The following SMIM19 variants were observed in gnomAD, a reference collection of about 807,000 sequenced individuals.
The protein encoded by SMIM19 is UPF0697 protein C8orf40.
Under a neutral mutation model 13.2 loss-of-function variants are expected in SMIM19, and 6 were observed. The ratio of observed to expected loss-of-function variants is 0.45; its 90% confidence interval spans 0.25 to 0.90. The LOEUF (loss-of-function observed/expected upper bound fraction) is 0.90. SMIM19 is among the 40% of genes least tolerant of loss of function. SMIM19 has a pLI of 0.19. For missense variants in SMIM19, 138 were observed against 131.0 expected, an observed-to-expected ratio of 1.05 and a Z score of -0.26; for synonymous variants, 46 against 43.1, an observed-to-expected ratio of 1.07 and a Z score of -0.27.
chr8:42,548,698 A>G lies in SMIM19; in HGVS notation c.177A>G (p.Thr59=), dbSNP rs779994400. ...RIMRIFSVPP[T]EETLSEPNFY... is the part of the protein sequence containing the mutation. ...TGAGGATATTCAGTGTGCCACCTACAGAGGAAACTTTGTCAGAGCCCAACT... is the reference window on the plus strand; with the variant it reads ...TGAGGATATTCAGTGTGCCACCTACGGAGGAAACTTTGTCAGAGCCCAACT... The change falls in exon 3 of 4, where the codon ACA becomes ACG. Residue 59 remains threonine, a synonymous_variant. Coordinates refer to ENST00000417410, the MANE Select transcript of SMIM19 (RefSeq NM_001135674.2). 3.7e-6 allele frequency: 6 copies of G among 1,613,944 alleles called. No individual in the cohort carries two copies. The Admixed American group carries it at 1.0e-4, about 27-fold the overall frequency.
rs188599034 is a variant in SMIM19, at chr8:42,542,678, C to A, written c.-5+305C>A. 1.3e-5 allele frequency among the ~76,000 whole-genome samples: 2 copies of A among 151,964 alleles called. 1 individual carries two copies. The highest frequency in any genetic ancestry group is 2.9e-5 in the Non-Finnish European group (2 of 67,986). ...CCTAGTCCCTAGAAAAAGTAGTTCT[C>A]GGCTGGGCACGGTGGCTCACGCCTG... On this transcript the variant is annotated intron_variant, in intron 1 of 3. Transcript: ENST00000417410.
In SMIM19 at chr8:42,548,704, A is replaced by C. The variant is rs775952717; in HGVS notation, c.183A>C (p.Glu61Asp). The C allele has an allele frequency of 1.4e-5, 23 of 1,613,952 alleles. No homozygotes were observed. The highest frequency in any genetic ancestry group is 1.9e-5 in the Non-Finnish European group (22 of 1,179,938). The change falls in exon 3 of 4, where the codon GAA becomes GAC. Residue 61 changes from glutamate (E) to aspartate (D), a missense_variant. By Grantham distance (45) the Glu-to-Asp change is conservative. Coordinates refer to ENST00000417410, the MANE Select transcript of SMIM19 (RefSeq NM_001135674.2). Reference protein sequence around the residue: ...MRIFSVPPTEETLSEPNFYDT... With the variant: ...MRIFSVPPTEDTLSEPNFYDT... ...TATTCAGTGTGCCACCTACAGAGGA[A>C]ACTTTGTCAGAGCCCAACTTTTATG...
At position 42,548,593 on chromosome 8, in the gene SMIM19, G is replaced by A; in HGVS notation, c.135-63G>A. The A allele has an allele frequency of 2.5e-6, 4 of 1,593,694 alleles. No individual in the cohort carries two copies. In the South Asian group the frequency reaches 4.4e-5, roughly 18 times the overall value. ...CACAGCTTCTGATGACCAGGATCAT[G>A]AGCATATTACAACTCTATAGACATT... On this transcript the variant is annotated intron_variant, in intron 2 of 3. Transcript: ENST00000417410.
chr8:42,550,012 C>T (rs2974350), intron 3 of SMIM19, among the ~76,000 whole-genome samples: 82,558 of 151,722 alleles, frequency 0.54, 22,828 homozygotes, highest in Middle Eastern at 0.64. Flanking sequence ...AAGAGAATTG[C>T]TTGAACCCAG....
chr8:42,546,300 A>G, intron 1 of SMIM19, 169 bp from the exon 2 acceptor site: 2 of 687,048 alleles, frequency 2.9e-6, no homozygotes, highest in African/African-American at 1.8e-5. Context: ...CAACTGCACC[A>G]TTTAAAATGT....
Position 42,546,597 on chromosome 8 carries a change from A to G in SMIM19, c.125A>G (p.Tyr42Cys), listed in dbSNP as rs745588341. Residue 42 changes from tyrosine to cysteine, a missense_variant, in exon 2 of 4, where the codon TAT becomes TGT. Transcript: ENST00000417410. The part of the protein sequence containing the change: ...VILVSFGLFM[Y>C]AKRNKRRIMR... Reference sequence around the variant, plus strand: ...CTTGTTAGCTTCGGTCTCTTCATGTATGCCAAAAGGTAAATTTTTGTTTCT... The same window carrying G: ...CTTGTTAGCTTCGGTCTCTTCATGTGTGCCAAAAGGTAAATTTTTGTTTCT... 1.2e-6 allele frequency: 2 copies of G among 1,608,840 alleles called. No individual in the cohort carries two copies. Among genetic ancestry groups the G allele is most frequent in the East Asian group, 2.2e-5 (1 of 44,880 alleles).
intron 3 of SMIM19, among the ~76,000 whole-genome samples, chr8:42,550,126 G>T (rs191006791): frequency 3.5e-4 from 53 of 152,142 alleles, no homozygotes; most frequent in Admixed American, 8.5e-4. Context: ...ACAGAGCCAG[G>T]AGCTCTGTAT....
At chr8:42,542,566 C>A in intron 1 of SMIM19, 193 bp downstream of exon 1, 1 of 751,976 alleles carries the variant, frequency 1.3e-6, no homozygotes, top group Non-Finnish European at 1.6e-6. Flanking sequence ...GGCACGATGA[C>A]AAGCGGTGGT....
rs892693722 is a variant in SMIM19, at chr8:42,542,441, A to G, written c.-5+68A>G. ...CAGAGGGATGAGAGAAAGAAATCCC[A>G]TTTTTTGATGCAGAGGATTTTGTTG... On this transcript the variant is annotated intron_variant, in intron 1 of 3. Coordinates refer to ENST00000417410, the MANE Select transcript of SMIM19 (RefSeq NM_001135674.2). The G allele has an allele frequency of 5.1e-6, 5 of 985,242 alleles. No homozygotes were observed. In the East Asian group the frequency reaches 4.5e-4, roughly 89 times the overall value. The allele number at this position is 985,242 out of a possible 1,614,324, so 61.0% of individuals were successfully genotyped here.
At chr8:42,546,260 G>C (rs1813478294) in intron 1 of SMIM19, among the ~76,000 whole-genome samples, 1 of 152,194 alleles carries the variant, frequency 6.6e-6, no homozygotes, top group South Asian at 2.1e-4. Context: ...GGTTGATTAT[G>C]TGGATGCAGA....
rs774101022 is a variant in SMIM19 at position 42,546,502 on chromosome 8, C to T, written c.30C>T (p.Asp10=). The T allele has an allele frequency of 1.2e-5, 20 of 1,613,308 alleles. No homozygotes were observed. Among genetic ancestry groups the T allele is most frequent in the East Asian group, 2.2e-5 (1 of 44,880 alleles). Residue 10 remains aspartate, a synonymous_variant, in exon 2 of 4, where the codon GAC becomes GAT. Transcript: ENST00000417410. MAGGYGVMG[D]DGSIDYTVHE... is the part of the protein sequence containing the mutation. ...CTGGGGGTTATGGAGTGATGGGTGA[C>T]GATGGTTCTATTGATTATACTGTTC...
chr8:42,551,045 G>A (rs1455200327), intron 3 of SMIM19, among the ~76,000 whole-genome samples: 4 of 152,106 alleles, frequency 2.6e-5, no homozygotes, highest in South Asian at 4.1e-4. Flanking sequence ...TTGGCCAGGC[G>A]TGGTGGCTCA....
intron 1 of SMIM19, among the ~76,000 whole-genome samples, chr8:42,545,840 T>C (rs1813460189): frequency 6.6e-6 from 1 of 152,172 alleles, no homozygotes; most frequent in African/African-American, 2.4e-5. Flanking sequence ...GAGTCTCTGT[T>C]TTAAAGTATT....
chr8:42,542,982 T>TAA (rs57392162), intron 1 of SMIM19, among the ~76,000 whole-genome samples: 21,446 of 139,668 alleles, frequency 0.15, 4,712 homozygotes, highest in African/African-American at 0.49. Flanking sequence ...CCTGTTTTTG[T>TAA]AAAAAAAAAA....
At chr8:42,551,897 T>C (rs767882492) in intron 3 of SMIM19, among the ~76,000 whole-genome samples, 6 of 152,226 alleles carry the variant, frequency 3.9e-5, no homozygotes, top group Non-Finnish European at 7.3e-5. Context: ...TGAGCCATGA[T>C]TGTGCCACTG....
In SMIM19 at chr8:42,553,033, T is replaced by C. The variant is rs568068916; in HGVS notation, c.*425T>C. 1.4e-4 allele frequency: 22 copies of C among 153,540 alleles called. No individual in the cohort carries two copies. Among genetic ancestry groups the C allele is most frequent in the Admixed American group, 4.6e-4 (7 of 15,322 alleles). The allele number at this position is 153,540 out of a possible 1,614,324, so 9.5% of individuals were successfully genotyped here. On this transcript the variant is annotated 3_prime_UTR_variant, in exon 4 of 4. Coordinates refer to ENST00000417410, the MANE Select transcript of SMIM19 (RefSeq NM_001135674.2). The stretch of plus-strand genomic sequence containing the variant: ...GATAAGTGTCAGATCAATAACAGAT[T>C]AATTTGTTGTTAACAGCTCTTTTTT...
At chr8:42,549,984 T>C (rs1289456974) in intron 3 of SMIM19, among the ~76,000 whole-genome samples, 1 of 151,984 alleles carries the variant, frequency 6.6e-6, no homozygotes, top group Admixed American at 6.6e-5. Flanking sequence ...TAATCCCAGC[T>C]ACTCAGGAGG....
At chr8:42,543,904 C>CT (rs1013182377) in intron 1 of SMIM19, among the ~76,000 whole-genome samples, 8 of 152,064 alleles carry the variant, frequency 5.3e-5, no homozygotes, top group African/African-American at 9.6e-5. Flanking sequence ...ATAAAGTCAT[C>CT]TTTTTTTTGC....
At chr8:42,549,922 C>A (rs1036966324) in intron 3 of SMIM19, among the ~76,000 whole-genome samples, 11 of 151,746 alleles carry the variant, frequency 7.2e-5, no homozygotes, top group Admixed American at 7.2e-4. Context: ...ATGGTGAAAC[C>A]CCATCTTTAC....
Sources: gnomAD v4.1 joint callset for allele counts (sites outside exome capture counted in the v4.1 genomes callset) on GRCh38, gnomAD v4.1.1 for gene constraint, MANE v1.5 for transcripts, NCBI Gene and HGNC (gene_info 2026-07-23, HGNC 2026-07-21) for gene names.